The following CDH4 variants were observed in gnomAD, a reference collection of about 807,000 sequenced individuals.
The protein encoded by CDH4 is cadherin 4.
A neutral mutation model predicts 86.0 loss-of-function variants in CDH4; 33 were observed. The ratio of observed to expected loss-of-function variants is 0.38; its 90% CI spans 0.29 to 0.51. The LOEUF (loss-of-function observed/expected upper bound fraction) is 0.51, where lower values mean the gene tolerates loss of function less well. Among genes scored for constraint, CDH4 ranks in the 20% least tolerant of loss-of-function variants. CDH4 has a pLI of 0.86. For synonymous variants in CDH4, 555 were observed against 549.4 expected (o/e 1.01, Z -0.14); for missense variants, 1,114 against 1,307.4 (o/e 0.85, Z 2.28).
At position 61,934,025 on chromosome 20, in the gene CDH4, G is replaced by T. The variant is rs764693381; in HGVS notation, c.2380-31G>T. 13 of 1,607,300 alleles carry T rather than the reference G, an allele frequency of 8.1e-6. No homozygotes were observed. The African/African-American group carries it at 1.7e-4, about 22-fold the overall frequency. ...AGGGGGGCTGGCGGATTCTTCTGATGCCCCTGACTCCTCCCGGCTCCCTCC... is the reference window on the plus strand; with the variant it reads ...AGGGGGGCTGGCGGATTCTTCTGATTCCCCTGACTCCTCCCGGCTCCCTCC... On this transcript the variant is annotated intron_variant, in intron 14 of 15. Coordinates refer to ENST00000614565, the MANE Select transcript of CDH4 (RefSeq NM_001794.5).
chr20:61,347,451 AAG>A (rs1303372358), intron 2 of CDH4, among the ~76,000 whole-genome samples: 4 of 152,268 alleles, frequency 2.6e-5, no homozygotes, highest in Admixed American at 1.3e-4. Context: ...ACCAAAAAGA[AAG>A]AGAAAAAATG....
chr20:61,483,431 G>A (rs956902498), intron 2 of CDH4, among the ~76,000 whole-genome samples: 2 of 152,194 alleles, frequency 1.3e-5, no homozygotes, highest in African/African-American at 2.4e-5. Flanking sequence ...TGCTTGAAGA[G>A]ACGGTTATGG....
In CDH4 at chr20:61,677,101, C is replaced by T. The variant is rs74350409; in HGVS notation, c.170-66462C>T. ...AGGACCATACCTTTTACTCCGCATGCGGTAGGGAGCCTTGGAGTTGAGGAC... is the reference window on the plus strand; with the variant it reads ...AGGACCATACCTTTTACTCCGCATGTGGTAGGGAGCCTTGGAGTTGAGGAC... On this transcript the variant is annotated intron_variant, in intron 2 of 15. Coordinates refer to ENST00000614565, the MANE Select transcript of CDH4 (RefSeq NM_001794.5). 7.3e-3 allele frequency among the ~76,000 whole-genome samples: 1,107 copies of T among 152,210 alleles called. 18 individuals are homozygous for T. The highest frequency in any genetic ancestry group is 0.025 in the African/African-American group (1,046 of 41,506).
chr20:61,891,963 A>C (rs980614609), intron 7 of CDH4, among the ~76,000 whole-genome samples: 12 of 152,100 alleles, frequency 7.9e-5, no homozygotes, highest in Admixed American at 3.9e-4. Flanking sequence ...CAAGGTCAGC[A>C]AACGTCTTCT....
At chr20:61,508,223 A>G (rs934379082) in intron 2 of CDH4, among the ~76,000 whole-genome samples, 2 of 152,252 alleles carry the variant, frequency 1.3e-5, no homozygotes, top group Non-Finnish European at 2.9e-5. Context: ...AAATGATTCT[A>G]TGTAGCAAAA....
Position 61,771,032 on chromosome 20 carries a change from CAG to C in CDH4, c.397-1968_397-1967del, listed in dbSNP as rs1483735133. Among the ~76,000 whole-genome samples, 19 of 121,530 alleles carry C rather than the reference CAG, an allele frequency of 1.6e-4. No individual in the cohort carries two copies. The South Asian group carries it at 4.9e-3, about 31-fold the overall frequency. The allele number at this position is 121,530 out of a possible 152,430, so 79.7% of individuals were successfully genotyped here. ...TTTCTTTTTTTTTTTTTTTTTGAGACAGAGTTTCGCTCTTTTTCCCCAGGCTG... is the reference window on the plus strand; with the variant it reads ...TTTCTTTTTTTTTTTTTTTTTGAGACAGTTTCGCTCTTTTTCCCCAGGCTG... On this transcript the variant is annotated intron_variant, in intron 3 of 15. Transcript: ENST00000614565.
chr20:61,740,296 G>A (rs2088317905), intron 2 of CDH4, among the ~76,000 whole-genome samples: 1 of 152,128 alleles, frequency 6.6e-6, no homozygotes, highest in Non-Finnish European at 1.5e-5. Flanking sequence ...CCTCAGACAT[G>A]TCTCCCTTGA....
chr20:61,493,982 G>A (rs1043094441), intron 2 of CDH4, among the ~76,000 whole-genome samples: 1 of 152,116 alleles, frequency 6.6e-6, no homozygotes, highest in Non-Finnish European at 1.5e-5. Flanking sequence ...ACTCTGGAGC[G>A]GACTCTCCAG....
intron 2 of CDH4, among the ~76,000 whole-genome samples, chr20:61,400,269 A>G (rs966044499): frequency 2.0e-5 from 3 of 152,250 alleles, no homozygotes; most frequent in Non-Finnish European, 4.4e-5. Context: ...CTCTACAATC[A>G]GAGCTTTCCT....
intron 2 of CDH4, among the ~76,000 whole-genome samples, chr20:61,387,156 T>C (rs1165640617): frequency 6.6e-6 from 1 of 151,238 alleles, no homozygotes; most frequent in East Asian, 1.9e-4. Context: ...ACCTCTTCTC[T>C]AACCCCCCTA....
chr20:61,763,487 G>A (rs2088662281), intron 3 of CDH4, among the ~76,000 whole-genome samples: 1 of 152,248 alleles, frequency 6.6e-6, no homozygotes. Flanking sequence ...CTCAGTTCAG[G>A]ATTCCCAGGG....
chr20:61,617,707 C>G (rs1374065551), intron 2 of CDH4, among the ~76,000 whole-genome samples: 2 of 152,164 alleles, frequency 1.3e-5, no homozygotes, highest in African/African-American at 2.4e-5. Flanking sequence ...TGGAACCGGT[C>G]CAGGGAGAGT....
At chr20:61,473,434 C>G (rs1600700931) in intron 2 of CDH4, among the ~76,000 whole-genome samples, 1 of 152,120 alleles carries the variant, frequency 6.6e-6, no homozygotes, top group Admixed American at 6.5e-5. Flanking sequence ...GGCTAGAGAG[C>G]TTACGAGCCC....
At chr20:61,619,505 G>A (rs1427837091) in intron 2 of CDH4, among the ~76,000 whole-genome samples, 1 of 152,204 alleles carries the variant, frequency 6.6e-6, no homozygotes, top group Non-Finnish European at 1.5e-5. Flanking sequence ...CACAGAGTGA[G>A]AGCTTCAGTA....
At chr20:61,403,968 A>C (rs2085064820) in intron 2 of CDH4, among the ~76,000 whole-genome samples, 1 of 152,142 alleles carries the variant, frequency 6.6e-6, no homozygotes, top group Non-Finnish European at 1.5e-5. Context: ...TGTTATTCTT[A>C]ATTAATTATA....
intron 4 of CDH4, among the ~76,000 whole-genome samples, chr20:61,794,557 T>A (rs941312432): frequency 5.9e-5 from 9 of 152,080 alleles, no homozygotes; most frequent in Middle Eastern, 3.2e-3. Flanking sequence ...TGGCAAAGAG[T>A]CACAGGTGCT....
chr20:61,618,674 G>A (rs140393216), intron 2 of CDH4, among the ~76,000 whole-genome samples: 5 of 152,318 alleles, frequency 3.3e-5, no homozygotes, highest in Admixed American at 6.5e-5. Context: ...CTCAGAGTTC[G>A]CTGTATCACG....
chr20:61,840,051 C>G (rs1231256917), intron 4 of CDH4, among the ~76,000 whole-genome samples: 1 of 152,088 alleles, frequency 6.6e-6, no homozygotes, highest in Non-Finnish European at 1.5e-5. Context: ...TGCCCAGTGC[C>G]CCAAGGGGTC....
chr20:61,807,709 G>C lies in CDH4; in HGVS notation c.576+34527G>C, dbSNP rs1249697655. ...GTGGACGGCTCTTCAGACTCAAACG[G>C]TGTGATGAACAAACCGACTCGGAAA... On this transcript the variant is annotated intron_variant, in intron 4 of 15. Coordinates refer to ENST00000614565, the MANE Select transcript of CDH4 (RefSeq NM_001794.5). The surrounding 1 kb of genome is among the most constrained non-coding windows in gnomAD (Gnocchi z 4.5). Among the ~76,000 whole-genome samples the C allele has an allele frequency of 6.6e-6, 1 of 152,208 alleles. No individual in the cohort carries two copies. The highest frequency in any genetic ancestry group is 6.5e-5 in the Admixed American group (1 of 15,288).
Sources: allele counts gnomAD v4.1 joint callset (sites outside exome capture counted in the v4.1 genomes callset), GRCh38; gene constraint gnomAD v4.1.1; non-coding constraint Gnocchi (gnomAD v3.1); transcripts MANE v1.5; gene names NCBI Gene and HGNC (gene_info 2026-07-23, HGNC 2026-07-21).